The following RANBP2 variants were observed in gnomAD, a reference collection of about 807,000 sequenced individuals.
RANBP2 encodes the protein E3 SUMO-protein ligase RanBP2.
A neutral mutation model predicts 303.6 loss-of-function variants in RANBP2; 57 were observed. The ratio of observed to expected loss-of-function variants is 0.19; its 90% CI spans 0.15 to 0.23. The LOEUF (loss-of-function observed/expected upper bound fraction) is 0.23, where lower values mean the gene tolerates loss of function less well. Ranked by LOEUF, RANBP2 falls within the 10% of genes least tolerant of loss-of-function variation. RANBP2 has a pLI of 1.00. For synonymous variants in RANBP2, 1,167 were observed against 1,301.5 expected, an observed-to-expected ratio of 0.90 and a Z score of 2.23; for missense variants, 3,138 against 3,780.8, an observed-to-expected ratio of 0.83 and a Z score of 4.46.
chr2:109,058,125 C>T, the RANBP2 span, among the ~76,000 whole-genome samples: 1 of 152,210 alleles, frequency 6.6e-6, no homozygotes, highest in Admixed American at 6.5e-5. Flanking sequence ...GCCAGTGATG[C>T]CCGTGGGCTC....
chr2:108,843,873 TGTG>T, the RANBP2 span, among the ~76,000 whole-genome samples: 890 of 36,782 alleles, frequency 0.024, 13 homozygotes, highest in Middle Eastern at 0.17. Flanking sequence ...TGTGTGTGTG[TGTG>T]TGTTTCTTTC....
chr2:109,689,396 C>A, the RANBP2 span, among the ~76,000 whole-genome samples: 1 of 152,020 alleles, frequency 6.6e-6, no homozygotes, highest in African/African-American at 2.4e-5. Context: ...CCTAGATGGA[C>A]CTTTGCAGCC....
chr2:109,613,981 G>C, the RANBP2 span: 4 of 1,195,662 alleles, frequency 3.3e-6, no homozygotes, highest in Non-Finnish European at 4.1e-6. Flanking sequence ...GGGCGGGGCC[G>C]AGCTGGAGGC....
chr2:108,823,438 G>T, the RANBP2 span, among the ~76,000 whole-genome samples: 1 of 152,158 alleles, frequency 6.6e-6, no homozygotes, highest in Non-Finnish European at 1.5e-5. Flanking sequence ...CTTAACAATA[G>T]GACCACATTC....
the RANBP2 span, among the ~76,000 whole-genome samples, chr2:109,597,074 A>C: frequency 6.6e-6 from 1 of 152,074 alleles, no homozygotes; most frequent in East Asian, 1.9e-4. Context: ...CAGCCTCCTA[A>C]GTAGATGGGA....
the RANBP2 span, among the ~76,000 whole-genome samples, chr2:109,516,260 C>T: frequency 6.6e-6 from 1 of 152,176 alleles, no homozygotes; most frequent in South Asian, 2.1e-4. Flanking sequence ...TAAGTCCCAC[C>T]CCCTGTGCCC....
the RANBP2 span, among the ~76,000 whole-genome samples, chr2:109,077,501 T>C: frequency 6.7e-6 from 1 of 148,604 alleles, no homozygotes; most frequent in Non-Finnish European, 1.5e-5. Flanking sequence ...AGGAAAGGAA[T>C]GAATCAATGA....
the RANBP2 span, among the ~76,000 whole-genome samples, chr2:109,034,679 G>A: frequency 4.6e-5 from 7 of 152,186 alleles, no homozygotes; most frequent in Admixed American, 4.6e-4. Context: ...TAGATTCATT[G>A]CAAATAGTTT....
chr2:108,776,023 C>A, intron 24 of RANBP2, 87 bp downstream of exon 24: 1 of 1,224,328 alleles, frequency 8.2e-7, no homozygotes, highest in Non-Finnish European at 1.2e-6. Flanking sequence ...ATCCTGAAAA[C>A]TCCCTTTAAA....
Position 108,772,489 on chromosome 2 carries a change from AT to A in RANBP2, c.8022del (p.Asp2674GlufsTer56). On this transcript the variant is annotated frameshift_variant and splice_region_variant, in exon 22 of 29. Coordinates refer to ENST00000283195, the MANE Select transcript of RANBP2 (RefSeq NM_006267.5). LOFTEE classifies it high-confidence loss of function. ...TTCTTTTAATCAATTGTATTTTAAG[AT>A]GAAGATTTCGAAACAGCTGTCAAGA... ...PDYVSEEEED[D>X]EDFETAVKKL... The A allele has an allele frequency of 6.2e-7, 1 of 1,612,050 alleles. No individual in the cohort carries two copies.
the RANBP2 span, among the ~76,000 whole-genome samples, chr2:109,659,248 G>A: frequency 0.087 from 13,188 of 151,598 alleles, 983 homozygotes; most frequent in Admixed American, 0.23. Context: ...GTGGTGGTGT[G>A]TGCCTGTAGT....
the RANBP2 span, among the ~76,000 whole-genome samples, chr2:109,254,197 T>C: frequency 6.6e-6 from 1 of 152,202 alleles, no homozygotes; most frequent in Non-Finnish European, 1.5e-5. Context: ...TAGCATTTTA[T>C]AGACTTCTTC....
At chr2:109,169,453 G>A in the RANBP2 span, among the ~76,000 whole-genome samples, 2 of 152,022 alleles carry the variant, frequency 1.3e-5, no homozygotes, top group Admixed American at 6.5e-5. Flanking sequence ...GGTGGAGGAG[G>A]GTGTTGAATT....
At chr2:109,419,417 G>T in the RANBP2 span, 3 of 1,030,230 alleles carry the variant, frequency 2.9e-6, no homozygotes, top group Non-Finnish European at 4.3e-6. Flanking sequence ...CACGTTGGAG[G>T]CCAAACAGCC....
chr2:109,044,935 T>C, the RANBP2 span, among the ~76,000 whole-genome samples: 1 of 152,222 alleles, frequency 6.6e-6, no homozygotes, highest in African/African-American at 2.4e-5. Context: ...AAAGTCTTCG[T>C]AAGGATTATT....
the RANBP2 span, chr2:109,732,788 G>A: frequency 1.4e-5 from 13 of 909,114 alleles, no homozygotes; most frequent in African/African-American, 1.6e-4. Flanking sequence ...ACAGACTTTT[G>A]GCTACTGTGG....
the RANBP2 span, among the ~76,000 whole-genome samples, chr2:109,281,298 G>A: frequency 8.5e-5 from 13 of 152,328 alleles, no homozygotes; most frequent in African/African-American, 3.1e-4. Context: ...AGCACCCTCA[G>A]ACCCCTCTTG....
At position 108,764,946 on chromosome 2, in the gene RANBP2, C is replaced by T; in HGVS notation, c.4407C>T (p.Asn1469=). The change falls in exon 20 of 29, where the codon AAC becomes AAT. Residue 1469 remains asparagine (N), a synonymous_variant. Coordinates refer to ENST00000283195, the MANE Select transcript of RANBP2 (RefSeq NM_006267.5). ...AGGGAGATCTTCCTAAACCTATTAA[C>T]AGTGATTTCAGATCTGTTTTTTCTA... ...FGQGDLPKPI[N]SDFRSVFSTK... 6.2e-7 allele frequency: 1 copy of T among 1,614,050 alleles called. No homozygotes were observed. Among genetic ancestry groups the T allele is most frequent in the Non-Finnish European group, 8.5e-7 (1 of 1,179,978 alleles).
chr2:109,021,551 A>G, the RANBP2 span, among the ~76,000 whole-genome samples: 15 of 150,598 alleles, frequency 1.0e-4, no homozygotes, highest in African/African-American at 3.6e-4. Context: ...AGTGCTGACA[A>G]AGAGGGACTT....
Sources: gnomAD v4.1 joint callset for allele counts (sites outside exome capture counted in the v4.1 genomes callset) on GRCh38, gnomAD v4.1.1 for gene constraint, MANE v1.5 for transcripts, NCBI Gene and HGNC (gene_info 2026-07-23, HGNC 2026-07-21) for gene names.